CSMD1: variants seen among roughly 807,000 people sequenced by gnomAD.
CSMD1 encodes the protein CUB and sushi domain-containing protein 1.
In CSMD1, 213 loss-of-function variants were observed where a neutral mutation model predicts 417.5. The ratio of observed to expected loss-of-function variants is 0.51; its 90% confidence interval spans 0.46 to 0.57. The LOEUF is 0.57. Among genes scored for constraint, CSMD1 ranks in the 20% least tolerant of loss-of-function variants. CSMD1 has a pLI of 0.00. For missense variants in CSMD1, 6,923 were observed against 4,529.7 expected, an observed-to-expected ratio of 1.53 and a Z score of -15.17; for synonymous variants, 2,862 against 1,736.8, an observed-to-expected ratio of 1.65 and a Z score of -16.11.
intron 1 of CSMD1, among the ~76,000 whole-genome samples, chr8:4,694,869 A>G (rs892207281): frequency 6.6e-6 from 1 of 152,068 alleles, no homozygotes; most frequent in Non-Finnish European, 1.5e-5. Context: ...TCTCAGCCAA[A>G]TTTTCATCTT....
intron 2 of CSMD1, among the ~76,000 whole-genome samples, chr8:4,544,951 CA>C (rs1399122102): frequency 3.9e-5 from 6 of 152,196 alleles, no homozygotes; most frequent in Admixed American, 2.0e-4. Context: ...AGTTTAAAAA[CA>C]TAATATGTCA....
intron 51 of CSMD1, among the ~76,000 whole-genome samples, chr8:3,026,725 C>T (rs563117316): frequency 1.3e-5 from 2 of 152,318 alleles, no homozygotes; most frequent in Admixed American, 1.3e-4. Flanking sequence ...TGGGCCGTAG[C>T]GAATCTGTGT....
intron 1 of CSMD1, among the ~76,000 whole-genome samples, chr8:4,832,682 A>G (rs554689955): frequency 6.6e-6 from 1 of 152,282 alleles, no homozygotes; most frequent in South Asian, 2.1e-4. Flanking sequence ...CACAAAGAAA[A>G]CTCTCAGGTA....
intron 4 of CSMD1, among the ~76,000 whole-genome samples, chr8:4,019,329 T>C (rs1436911846): frequency 6.6e-6 from 1 of 152,166 alleles, no homozygotes; most frequent in African/African-American, 2.4e-5. Flanking sequence ...GTCTCTCTCT[T>C]GCTTATCTGG....
intron 10 of CSMD1, among the ~76,000 whole-genome samples, chr8:3,567,909 C>A (rs1202585074): frequency 6.6e-6 from 1 of 152,100 alleles, no homozygotes; most frequent in Non-Finnish European, 1.5e-5. Context: ...CACACATCAT[C>A]ACACACATGT....
chr8:4,511,606 G>C (rs1397657440), intron 2 of CSMD1, among the ~76,000 whole-genome samples: 2 of 152,138 alleles, frequency 1.3e-5, no homozygotes, highest in Non-Finnish European at 2.9e-5. Flanking sequence ...CAAGATTGGA[G>C]ACACATACAG....
chr8:3,000,114 G>A lies in CSMD1; in HGVS notation c.8047C>T (p.Pro2683Ser). ...ATGTGACCGTTCACAATCGGGTCTG[G>A]GGAACCGCAGTGGCCAGCTAAAAAT... ...TRCLAGHCGS[P>S]DPIVNGHISG... The change falls in exon 53 of 70, where the codon CCA becomes TCA. Residue 2683 changes from proline (P) to serine (S), a missense_variant. Coordinates refer to ENST00000635120, the MANE Select transcript of CSMD1 (RefSeq NM_033225.6). 6.4e-7 allele frequency: 1 copy of A among 1,553,442 alleles called. No homozygotes were observed. The highest frequency in any genetic ancestry group is 8.7e-7 in the Non-Finnish European group (1 of 1,147,652).
At chr8:4,355,610 C>T (rs1406598872) in intron 3 of CSMD1, among the ~76,000 whole-genome samples, 1 of 152,276 alleles carries the variant, frequency 6.6e-6, no homozygotes, top group Non-Finnish European at 1.5e-5. Context: ...AGAAGAATAA[C>T]TGAGTTAAAT....
chr8:3,195,290 T>C (rs1796643792), intron 33 of CSMD1, among the ~76,000 whole-genome samples: 1 of 152,120 alleles, frequency 6.6e-6, no homozygotes, highest in African/African-American at 2.4e-5. Flanking sequence ...CCACCCTGTC[T>C]TAAATCCACA....
chr8:3,954,725 G>A (rs971773698), intron 5 of CSMD1, among the ~76,000 whole-genome samples: 10 of 152,324 alleles, frequency 6.6e-5, no homozygotes, highest in South Asian at 2.1e-4. Context: ...CAGGCTGCCC[G>A]CATGCGCAGA....
At chr8:3,553,989 G>C (rs897240885) in intron 10 of CSMD1, among the ~76,000 whole-genome samples, 1 of 152,102 alleles carries the variant, frequency 6.6e-6, no homozygotes, top group Non-Finnish European at 1.5e-5. Context: ...GGTGAAATTT[G>C]CTTTCTCTAG....
At chr8:4,714,726 G>A (rs1436383994) in intron 1 of CSMD1, among the ~76,000 whole-genome samples, 2 of 152,208 alleles carry the variant, frequency 1.3e-5, no homozygotes, top group East Asian at 1.9e-4. Context: ...ATTTCCACTT[G>A]TAGAAATTAT....
intron 5 of CSMD1, among the ~76,000 whole-genome samples, chr8:3,807,821 A>T (rs1585028826): frequency 6.6e-6 from 1 of 152,162 alleles, no homozygotes; most frequent in Non-Finnish European, 1.5e-5. Flanking sequence ...CCTCACTGAG[A>T]TCCTAGCACA....
intron 22 of CSMD1, among the ~76,000 whole-genome samples, chr8:3,347,378 TG>T (rs1453055815): frequency 2.6e-5 from 4 of 152,202 alleles, no homozygotes; most frequent in Non-Finnish European, 2.9e-5. Flanking sequence ...GCTGGGATTT[TG>T]TCAATCAACG....
chr8:3,249,454 C>A (rs151184217), intron 26 of CSMD1, among the ~76,000 whole-genome samples: 1 of 152,100 alleles, frequency 6.6e-6, no homozygotes, highest in Non-Finnish European at 1.5e-5. Flanking sequence ...GAACTCCTGA[C>A]CTTGGGTGAT....
intron 1 of CSMD1, among the ~76,000 whole-genome samples, chr8:4,790,963 A>G (rs1027588307): frequency 6.6e-6 from 1 of 152,216 alleles, no homozygotes; most frequent in Non-Finnish European, 1.5e-5. Flanking sequence ...AACTAAGACA[A>G]AAGTAAAAAT....
intron 1 of CSMD1, among the ~76,000 whole-genome samples, chr8:4,730,676 G>A (rs543214124): frequency 6.6e-6 from 1 of 152,192 alleles, no homozygotes; most frequent in South Asian, 2.1e-4. Context: ...GGGAAGCGGA[G>A]CTTGCAGTGA....
intron 22 of CSMD1, among the ~76,000 whole-genome samples, 156 bp downstream of exon 22, chr8:3,347,836 C>T (rs536785829): frequency 2.0e-5 from 3 of 152,316 alleles, no homozygotes; most frequent in African/African-American, 7.2e-5. Flanking sequence ...AGTGACATTA[C>T]ACCTTCTCAA....
At chr8:4,245,030 T>C (rs1802621558) in intron 3 of CSMD1, among the ~76,000 whole-genome samples, 1 of 152,190 alleles carries the variant, frequency 6.6e-6, no homozygotes, top group African/African-American at 2.4e-5. Context: ...ATTTAAACTA[T>C]AAAACCACCA....
Sources: allele counts gnomAD v4.1 joint callset (sites outside exome capture counted in the v4.1 genomes callset), GRCh38; gene constraint gnomAD v4.1.1; transcripts MANE v1.5; gene names NCBI Gene and HGNC (gene_info 2026-07-23, HGNC 2026-07-21).